The following KIAA0753 variants were observed in gnomAD, a reference collection of about 807,000 sequenced individuals.
The protein encoded by KIAA0753 is KIAA0753.
KIAA0753 carries 114 observed loss-of-function variants against 116.9 expected under a neutral mutation model. That is an observed-to-expected ratio of 0.98 (90% CI 0.84 to 1.14). KIAA0753 has a LOEUF of 1.14. Among genes scored for constraint, KIAA0753 ranks in the 50% most tolerant of loss-of-function variants. The pLI, the probability that KIAA0753 is intolerant of heterozygous loss-of-function variation, is 0.00. For missense variants in KIAA0753, 1,156 were observed against 1,172.4 expected (o/e 0.99, Z 0.20); for synonymous variants, 405 against 413.1 (o/e 0.98, Z 0.24).
intron 2 of KIAA0753, among the ~76,000 whole-genome samples, chr17:6,629,626 G>A (rs1454344114): frequency 6.6e-6 from 1 of 152,158 alleles, no homozygotes; most frequent in Non-Finnish European, 1.5e-5. Context: ...GAATGAACCT[G>A]TCAAAGACCG....
chr17:6,585,338 T>C (rs1212362239), intron 18 of KIAA0753, among the ~76,000 whole-genome samples: 1 of 152,234 alleles, frequency 6.6e-6, no homozygotes, highest in African/African-American at 2.4e-5. Context: ...TGCCATGGTG[T>C]GTTCTGTTCT....
chr17:6,608,031 AT>A (rs142518867), intron 10 of KIAA0753, among the ~76,000 whole-genome samples: 3,141 of 152,300 alleles, frequency 0.021, 104 homozygotes, highest in African/African-American at 0.07. Flanking sequence ...AAGGGCTGGG[AT>A]TATGGCCTAT....
Position 6,628,389 on chromosome 17 carries a change from G to A in KIAA0753, c.446C>T (p.Ser149Leu). ...IPDHRVERKE[S>L]KSQAACQCSH... ...ACACTGACAGGCTGCTTGACTCTTT[G>A]ATTCCTTCCTTTCCACCCTGTGGTC... Residue 149 changes from serine to leucine, a missense_variant, in exon 3 of 19, where the codon TCA becomes TTA. Coordinates refer to ENST00000361413, the MANE Select transcript of KIAA0753 (RefSeq NM_014804.3). The A allele has an allele frequency of 6.2e-7, 1 of 1,614,180 alleles. No homozygotes were observed. Among genetic ancestry groups the A allele is most frequent in the Non-Finnish European group, 8.5e-7 (1 of 1,180,014 alleles).
At chr17:6,618,388 A>G (rs1971076148) in intron 7 of KIAA0753, among the ~76,000 whole-genome samples, 1 of 152,234 alleles carries the variant, frequency 6.6e-6, no homozygotes. Context: ...GGGAACCCCA[A>G]TTTTATAGCC....
intron 7 of KIAA0753, among the ~76,000 whole-genome samples, chr17:6,619,506 C>G (rs1971161244): frequency 6.6e-6 from 1 of 151,902 alleles, no homozygotes; most frequent in Admixed American, 6.6e-5. Context: ...ACCTCACTGC[C>G]ACCTCCATCT....
chr17:6,626,938 A>C (rs780728457), intron 3 of KIAA0753, among the ~76,000 whole-genome samples: 16 of 152,168 alleles, frequency 1.1e-4, no homozygotes, highest in Admixed American at 1.3e-4. Context: ...TTCCAATCAA[A>C]GTAGGTAGGG....
intron 11 of KIAA0753, 66 bp from the exon 12 acceptor site, chr17:6,607,028 C>A: frequency 6.6e-7 from 1 of 1,505,042 alleles, no homozygotes; most frequent in South Asian, 1.1e-5. Flanking sequence ...CCTTGAGCTC[C>A]AGTCTTGGCT....
At chr17:6,606,749 T>C (rs746619762) in intron 12 of KIAA0753, 124 bp downstream of exon 12, 35 of 691,032 alleles carry the variant, frequency 5.1e-5, no homozygotes, top group Non-Finnish European at 8.0e-5. Context: ...CAGGTAGACA[T>C]GCAGCTATTC....
chr17:6,620,930 C>A lies in KIAA0753; in HGVS notation c.1173G>T (p.Arg391=), dbSNP rs1357145054. ...KKVKKCFSEI[R]SRFPIGSQKA... ...TTTGGCTACCGATAGGAAATCTGCT[C>A]CGAATTTCACTGAAACATTTTTTCA... Residue 391 remains arginine, a synonymous_variant, in exon 7 of 19, where the codon CGG becomes CGT. Transcript: ENST00000361413. The A allele has an allele frequency of 6.2e-7, 1 of 1,614,104 alleles. No homozygotes were observed. Among genetic ancestry groups the A allele is most frequent in the Non-Finnish European group, 8.5e-7 (1 of 1,180,010 alleles).
chr17:6,593,382 G>T (rs535558896), intron 16 of KIAA0753, among the ~76,000 whole-genome samples: 1 of 145,810 alleles, frequency 6.9e-6, no homozygotes, highest in African/African-American at 2.6e-5. Flanking sequence ...CCAGCACTTC[G>T]GGAGGCCGGG....
At chr17:6,581,581 AG>A (rs1360528366) in intron 18 of KIAA0753, among the ~76,000 whole-genome samples, 1 of 152,206 alleles carries the variant, frequency 6.6e-6, no homozygotes, top group African/African-American at 2.4e-5. Context: ...CAATTATTAC[AG>A]GGTTGCCAAA....
In KIAA0753 at chr17:6,596,268, AG is replaced by A; in HGVS notation, c.2247del (p.Trp750GlyfsTer3). On this transcript the variant is annotated frameshift_variant, in exon 15 of 19. Coordinates refer to ENST00000361413, the MANE Select transcript of KIAA0753 (RefSeq NM_014804.3). LOFTEE classifies it high-confidence loss of function. ...DDFLEDCASE[L>X]WAVTHAKILG... Reference sequence around the variant, plus strand: ...AAGATCTTAGCATGAGTCACAGCCCAGAGCTCACTGGCACAATCTTCCAAAA... The same window carrying A: ...AAGATCTTAGCATGAGTCACAGCCCAAGCTCACTGGCACAATCTTCCAAAA... 1 of 1,613,580 alleles carries A rather than the reference AG, an allele frequency of 6.2e-7. No homozygotes were observed. The highest frequency in any genetic ancestry group is 8.5e-7 in the Non-Finnish European group (1 of 1,179,706).
Position 6,589,890 on chromosome 17 carries a change from G to A in KIAA0753, c.2675C>T (p.Pro892Leu), listed in dbSNP as rs773245962. 2 of 1,613,854 alleles carry A rather than the reference G, an allele frequency of 1.2e-6. No homozygotes were observed. The highest frequency in any genetic ancestry group is 1.3e-5 in the African/African-American group (1 of 75,002). ...ACCGATGCTGTGCTGCATACCCGGTGGGACAAAGAGGGGAGCTCGGCCTTC... is the reference window on the plus strand; with the variant it reads ...ACCGATGCTGTGCTGCATACCCGGTAGGACAAAGAGGGGAGCTCGGCCTTC... The part of the protein sequence containing the change: ...QKEGRAPLFV[P>L]PGMQHSIGDY... Residue 892 changes from proline (P) to leucine (L), a missense_variant, in exon 18 of 19, where the codon CCA becomes CTA. Transcript: ENST00000361413.
intron 2 of KIAA0753, among the ~76,000 whole-genome samples, chr17:6,629,497 T>C (rs546340739): frequency 6.6e-6 from 1 of 152,328 alleles, no homozygotes; most frequent in Middle Eastern, 3.4e-3. Flanking sequence ...CTCCATGCAT[T>C]TAGTTTTTTA....
chr17:6,590,559 G>A lies in KIAA0753; in HGVS notation c.2512C>T (p.Arg838Cys), dbSNP rs750057894. 16 of 1,613,938 alleles carry A rather than the reference G, an allele frequency of 9.9e-6. No homozygotes were observed. Among genetic ancestry groups the A allele is most frequent in the South Asian group, 2.2e-5 (2 of 91,080 alleles). Residue 838 changes from arginine to cysteine, a missense_variant, in exon 17 of 19, where the codon CGC becomes TGC. By Grantham distance (180) the Arg-to-Cys change is radical (BLOSUM62 -3). Transcript: ENST00000361413. ...ATGATGTTCACGGCTGGATCCTTGC[G>A]ATCCACTGTCTTCGTGATTCTGATT... Reference protein sequence around the residue: ...HPIRITKTVDRKDPAVNIMLE... With the variant: ...HPIRITKTVDCKDPAVNIMLE...
At chr17:6,623,372 G>T in intron 5 of KIAA0753, 137 bp downstream of exon 5, 1 of 716,340 alleles carries the variant, frequency 1.4e-6, no homozygotes. Flanking sequence ...GAATATGTAA[G>T]GTGCTCACTC....
rs1012502934 is a variant in KIAA0753 at position 6,594,282 on chromosome 17, C to A, written c.2440+690G>T. 3.3e-5 allele frequency among the ~76,000 whole-genome samples: 5 copies of A among 149,888 alleles called. No homozygotes were observed. The East Asian group carries it at 7.9e-4, about 24-fold the overall frequency. On this transcript the variant is annotated intron_variant, in intron 16 of 18. Coordinates refer to ENST00000361413, the MANE Select transcript of KIAA0753 (RefSeq NM_014804.3). Reference sequence around the variant, plus strand: ...ACCACTCACTTCAGATTCTGACCCCCCCCCCCAGAACTATAGGAGAATAAA... The same window carrying A: ...ACCACTCACTTCAGATTCTGACCCCACCCCCCAGAACTATAGGAGAATAAA...
intron 7 of KIAA0753, among the ~76,000 whole-genome samples, chr17:6,612,438 C>A (rs1229665987): frequency 6.6e-6 from 1 of 152,230 alleles, no homozygotes; most frequent in Non-Finnish European, 1.5e-5. Flanking sequence ...TCTGCCCTTC[C>A]TTCCCTTTTG....
intron 1 of KIAA0753, chr17:6,638,932 G>A: frequency 6.5e-6 from 1 of 153,370 alleles, no homozygotes; most frequent in Non-Finnish European, 1.5e-5. Flanking sequence ...CCCAGGACAT[G>A]ATGACTCTGC....
Sources: allele counts gnomAD v4.1 joint callset (sites outside exome capture counted in the v4.1 genomes callset), GRCh38; gene constraint gnomAD v4.1.1; transcripts MANE v1.5; gene names NCBI Gene and HGNC (gene_info 2026-07-23, HGNC 2026-07-21).